The following CSTPP1 variants were observed in gnomAD, a reference collection of about 807,000 sequenced individuals.
The protein encoded by CSTPP1 is centriolar satellite-associated tubulin polyglutamylase complex regulator 1.
At chr11:47,068,684 ATAC>A in the CSTPP1 span, among the ~76,000 whole-genome samples, 1 of 152,122 alleles carries the variant, frequency 6.6e-6, no homozygotes, top group South Asian at 2.1e-4. Flanking sequence ...TGACTACCTT[ATAC>A]TACTTTGTTA....
At chr11:47,031,374 G>A in the CSTPP1 span, among the ~76,000 whole-genome samples, 1 of 152,104 alleles carries the variant, frequency 6.6e-6, no homozygotes, top group African/African-American at 2.4e-5. Flanking sequence ...CTCCTGCTGT[G>A]TTTTCTTAAT....
At chr11:47,057,557 G>A in the CSTPP1 span, among the ~76,000 whole-genome samples, 1 of 152,252 alleles carries the variant, frequency 6.6e-6, no homozygotes, top group Admixed American at 6.5e-5. Flanking sequence ...TAGGCAGTGG[G>A]GGCTGTGGAT....
At chr11:47,088,111 T>C in the CSTPP1 span, among the ~76,000 whole-genome samples, 4 of 152,216 alleles carry the variant, frequency 2.6e-5, no homozygotes, top group African/African-American at 9.6e-5. Flanking sequence ...TCTGTCGCTT[T>C]TGTTTTATTT....
the CSTPP1 span, among the ~76,000 whole-genome samples, chr11:46,938,274 C>T: frequency 6.6e-6 from 1 of 150,870 alleles, no homozygotes; most frequent in Non-Finnish European, 1.5e-5. Context: ...TTACATCTTG[C>T]ATTAGTGTGG....
chr11:47,063,035 T>C, the CSTPP1 span, among the ~76,000 whole-genome samples: 5 of 152,190 alleles, frequency 3.3e-5, no homozygotes, highest in African/African-American at 1.2e-4. Context: ...TTTGCTACCA[T>C]TGCTAGAGCT....
At chr11:47,100,455 T>C in the CSTPP1 span, among the ~76,000 whole-genome samples, 2 of 152,230 alleles carry the variant, frequency 1.3e-5, no homozygotes, top group African/African-American at 4.8e-5. Context: ...TCCATTGCTG[T>C]AGGAAAAATT....
At chr11:47,034,071 C>T in the CSTPP1 span, among the ~76,000 whole-genome samples, 6 of 151,390 alleles carry the variant, frequency 4.0e-5, no homozygotes, top group African/African-American at 1.2e-4. Flanking sequence ...GCACGTTGTG[C>T]GCATGTACCC....
the CSTPP1 span, among the ~76,000 whole-genome samples, chr11:47,049,317 A>G: frequency 6.6e-6 from 1 of 152,168 alleles, no homozygotes; most frequent in South Asian, 2.1e-4. Context: ...TTATAAAGAT[A>G]ATGAGTATTT....
chr11:46,947,962 ACTC>A, the CSTPP1 span: 1 of 438,934 alleles, frequency 2.3e-6, no homozygotes, highest in Non-Finnish European at 4.6e-6. Flanking sequence ...ATGTGGCAGA[ACTC>A]CTCCTGTGGC....
the CSTPP1 span, among the ~76,000 whole-genome samples, chr11:47,125,244 C>T: frequency 6.6e-6 from 1 of 152,186 alleles, no homozygotes; most frequent in African/African-American, 2.4e-5. Flanking sequence ...CTTGCTGTTT[C>T]TGTTCCTTAC....
chr11:46,963,854 G>T, the CSTPP1 span, among the ~76,000 whole-genome samples: 1 of 151,338 alleles, frequency 6.6e-6, no homozygotes, highest in Non-Finnish European at 1.5e-5. Flanking sequence ...AGACCAACTA[G>T]CTATGACCAA....
At chr11:47,010,856 C>G in the CSTPP1 span, among the ~76,000 whole-genome samples, 4 of 151,216 alleles carry the variant, frequency 2.6e-5, no homozygotes, top group Admixed American at 2.6e-4. Context: ...ATTTTTTTTT[C>G]TTCTCTCAAG....
chr11:47,107,501 A>G, the CSTPP1 span, among the ~76,000 whole-genome samples: 1 of 152,090 alleles, frequency 6.6e-6, no homozygotes, highest in African/African-American at 2.4e-5. Flanking sequence ...GAGCTACCTG[A>G]ACCTAATGAA....
chr11:46,953,838 G>A, the CSTPP1 span, among the ~76,000 whole-genome samples: 3 of 152,286 alleles, frequency 2.0e-5, no homozygotes, highest in African/African-American at 7.2e-5. Context: ...ACAGAGGTGG[G>A]AAGTAAGGGT....
At chr11:47,154,434 G>C in the CSTPP1 span, 1 of 152,250 alleles carries the variant, frequency 6.6e-6, no homozygotes, top group Non-Finnish European at 1.5e-5. Context: ...AGCCTTGGTC[G>C]GATCCCTTTA....
chr11:47,103,529 T>C, the CSTPP1 span, among the ~76,000 whole-genome samples: 1 of 152,188 alleles, frequency 6.6e-6, no homozygotes, highest in African/African-American at 2.4e-5. Flanking sequence ...AACATATTCT[T>C]CCTTCCACCT....
the CSTPP1 span, among the ~76,000 whole-genome samples, chr11:47,154,011 C>T: frequency 6.6e-6 from 1 of 152,142 alleles, no homozygotes; most frequent in South Asian, 2.1e-4. Context: ...GTGATCTCCG[C>T]TCACTGCAAC....
chr11:47,161,603 G>A, the CSTPP1 span: 1 of 1,613,950 alleles, frequency 6.2e-7, no homozygotes, highest in African/African-American at 1.3e-5. Context: ...AGAGAGTGAT[G>A]GCTCCACTGA....
the CSTPP1 span, chr11:47,154,928 T>C: frequency 1.9e-6 from 1 of 539,766 alleles, no homozygotes; most frequent in Non-Finnish European, 3.3e-6. Context: ...GAGCCCGCTC[T>C]GGGTACAGTG....
Sources: gnomAD v4.1 joint callset for allele counts (sites outside exome capture counted in the v4.1 genomes callset) on GRCh38, gnomAD v4.1.1 for gene constraint, MANE v1.5 for transcripts, NCBI Gene and HGNC (gene_info 2026-07-23, HGNC 2026-07-21) for gene names.